The following ZFHX3 variants were observed in gnomAD, a reference collection of about 807,000 sequenced individuals.
ZFHX3 encodes zinc finger homeobox protein 3.
Under a neutral mutation model 279.1 loss-of-function variants are expected in ZFHX3, and 42 were observed. The ratio of observed to expected loss-of-function variants is 0.15; its 90% confidence interval spans 0.12 to 0.19. The LOEUF (loss-of-function observed/expected upper bound fraction) is 0.19. Among genes scored for constraint, ZFHX3 ranks in the 10% least tolerant of loss-of-function variants. The pLI, the probability that ZFHX3 is intolerant of heterozygous loss-of-function variation, is 1.00. For missense variants in ZFHX3, 4,981 were observed against 4,754.0 expected (o/e 1.05, Z -1.40); for synonymous variants, 2,293 against 1,957.8 (o/e 1.17, Z -4.52).
chr16:73,821,409 C>T (rs1168790241), intron 1 of ZFHX3, among the ~76,000 whole-genome samples: 2 of 152,342 alleles, frequency 1.3e-5, no homozygotes, highest in African/African-American at 2.4e-5. Context: ...TTTCAAAGAA[C>T]TGATCCTTAA....
chr16:73,353,594 C>T (rs1180473098), intron 3 of ZFHX3, among the ~76,000 whole-genome samples: 1 of 152,160 alleles, frequency 6.6e-6, no homozygotes, highest in African/African-American at 2.4e-5. Context: ...TGGCTGAGAT[C>T]ACAGATTTGG....
At chr16:73,591,099 T>C (rs144566844) in intron 2 of ZFHX3, among the ~76,000 whole-genome samples, 6,052 of 152,154 alleles carry the variant, frequency 0.04, 424 homozygotes, top group African/African-American at 0.14. Context: ...ATGCCCGTAA[T>C]CCCAGCACTT....
intron 4 of ZFHX3, among the ~76,000 whole-genome samples, chr16:72,882,172 C>CTTT (rs11298791): frequency 8.7e-5 from 9 of 103,780 alleles, no homozygotes; most frequent in Admixed American, 2.1e-4. Flanking sequence ...CCCCTTTTTC[C>CTTT]TTTTTTTTTT....
At chr16:73,678,723 A>G (rs2052979511) in intron 2 of ZFHX3, among the ~76,000 whole-genome samples, 1 of 152,220 alleles carries the variant, frequency 6.6e-6, no homozygotes, top group Non-Finnish European at 1.5e-5. Context: ...CACCACAGTG[A>G]TTACACAGAA....
chr16:73,033,336 G>A (rs541617058), intron 1 of ZFHX3, among the ~76,000 whole-genome samples: 6 of 152,230 alleles, frequency 3.9e-5, no homozygotes, highest in East Asian at 1.9e-4. Flanking sequence ...CCTTCCAGGC[G>A]CCTCCGAGGG....
rs369655902 is a variant in ZFHX3, at chr16:73,648,200, G to A, written c.-1547+31980C>T. On this transcript the variant is annotated intron_variant, in intron 2 of 17. Transcript: ENST00000641206. ...TGCAGGATATATCTATATGGATGCC[G>A]ACTGATGCATTATTTTAATTATAAC... 3.9e-5 allele frequency among the ~76,000 whole-genome samples: 6 copies of A among 152,182 alleles called. No homozygotes were observed. In the East Asian group the frequency reaches 7.7e-4, roughly 20 times the overall value.
At chr16:72,898,078 T>C (rs1244794467) in intron 3 of ZFHX3, among the ~76,000 whole-genome samples, 1 of 152,184 alleles carries the variant, frequency 6.6e-6, no homozygotes, top group African/African-American at 2.4e-5. Context: ...CGCGTTATAG[T>C]TCCAAATGTA....
At chr16:73,404,097 A>G (rs1009247059) in intron 3 of ZFHX3, among the ~76,000 whole-genome samples, 1 of 152,210 alleles carries the variant, frequency 6.6e-6, no homozygotes, top group African/African-American at 2.4e-5. Context: ...CTGAGGATTC[A>G]GTCTCCTAAG....
At chr16:73,279,580 A>G (rs1454945141) in intron 4 of ZFHX3, among the ~76,000 whole-genome samples, 2 of 152,182 alleles carry the variant, frequency 1.3e-5, no homozygotes, top group African/African-American at 2.4e-5. Flanking sequence ...TACATTTCTC[A>G]TGTCTTACAT....
chr16:73,287,129 T>C (rs948103418), intron 4 of ZFHX3, among the ~76,000 whole-genome samples: 1 of 128,786 alleles, frequency 7.8e-6, no homozygotes, highest in African/African-American at 3.0e-5. Context: ...AGCGTGTCGG[T>C]GTGTTGGTTG....
intron 8 of ZFHX3, among the ~76,000 whole-genome samples, chr16:73,070,731 G>T (rs1003885343): frequency 6.9e-6 from 1 of 145,978 alleles, no homozygotes; most frequent in Admixed American, 6.9e-5. Flanking sequence ...TCTCTCTCTC[G>T]CACATGTGAG....
chr16:73,181,975 G>A (rs1291776873), intron 5 of ZFHX3, among the ~76,000 whole-genome samples: 3 of 152,124 alleles, frequency 2.0e-5, no homozygotes, highest in African/African-American at 7.2e-5. Flanking sequence ...AGTCCTTCGG[G>A]TTTTGTTTAC....
intron 1 of ZFHX3, among the ~76,000 whole-genome samples, chr16:73,706,032 C>T (rs1032026879): frequency 6.6e-6 from 1 of 152,162 alleles, no homozygotes; most frequent in South Asian, 2.1e-4. Context: ...TGGCCGGACA[C>T]AGTGACTCAC....
At chr16:72,965,490 AC>A (rs1961794375) in intron 1 of ZFHX3, among the ~76,000 whole-genome samples, 1 of 152,232 alleles carries the variant, frequency 6.6e-6, no homozygotes, top group East Asian at 1.9e-4. Context: ...TTAAAGAAGG[AC>A]AAAAGGCAGG....
chr16:73,507,176 C>T (rs1477612471), intron 2 of ZFHX3, among the ~76,000 whole-genome samples: 2 of 152,154 alleles, frequency 1.3e-5, no homozygotes, highest in Non-Finnish European at 1.5e-5. Context: ...CACTCTGATT[C>T]AGGTGTTTTA....
chr16:73,275,090 A>G (rs1361772278), intron 4 of ZFHX3, among the ~76,000 whole-genome samples: 1 of 152,136 alleles, frequency 6.6e-6, no homozygotes, highest in African/African-American at 2.4e-5. Context: ...AGTCTATATC[A>G]CTGTGCAGTA....
At position 72,782,932 on chromosome 16, in the gene ZFHX3, A is replaced by C. The variant is rs1328393082; in HGVS notation, c.*4232T>G. On this transcript the variant is annotated 3_prime_UTR_variant, in exon 10 of 10. Transcript: ENST00000268489. ...ATGTATCACAATGAGCAGGAAACAT[A>C]CTTGATGAAATATTTTCAAAGGAGT... The C allele has an allele frequency of 6.6e-6, 1 of 152,572 alleles. No homozygotes were observed. The highest frequency in any genetic ancestry group is 1.9e-4 in the East Asian group (1 of 5,194). The allele number at this position is 152,572 out of a possible 1,614,324, so 9.5% of individuals were successfully genotyped here. A position where few individuals can be genotyped will look rare whatever the true frequency, so the allele number is the denominator to read the frequency against.
chr16:72,954,239 G>C (rs778287884), intron 2 of ZFHX3, among the ~76,000 whole-genome samples: 33 of 152,272 alleles, frequency 2.2e-4, no homozygotes, highest in Admixed American at 5.2e-4. Context: ...GCATGGTGGC[G>C]CATGCCTGTA....
At chr16:73,390,752 A>G (rs1442139925) in intron 3 of ZFHX3, among the ~76,000 whole-genome samples, 1 of 152,026 alleles carries the variant, frequency 6.6e-6, no homozygotes, top group Non-Finnish European at 1.5e-5. Flanking sequence ...TCTTTCATCA[A>G]TGAAAGGAGA....
Sources: gnomAD v4.1 joint callset for allele counts (sites outside exome capture counted in the v4.1 genomes callset) on GRCh38, gnomAD v4.1.1 for gene constraint, MANE v1.5 for transcripts, NCBI Gene and HGNC (gene_info 2026-07-23, HGNC 2026-07-21) for gene names.